The following PKP1 variants were observed in gnomAD, a reference collection of about 807,000 sequenced individuals.
PKP1 encodes plakophilin-1.
PKP1 carries 27 observed loss-of-function variants against 76.4 expected under a neutral mutation model. The observed-to-expected ratio is 0.35, with a 90% CI of 0.26 to 0.49. PKP1 has a LOEUF of 0.49. PKP1 is among the 20% of genes least tolerant of loss of function. PKP1 has a pLI of 0.99. For missense variants in PKP1, 964 were observed against 955.2 expected, an observed-to-expected ratio of 1.01 and a Z score of -0.12; for synonymous variants, 404 against 384.2, an observed-to-expected ratio of 1.05 and a Z score of -0.60.
rs112937195 is a variant in PKP1 at position 201,324,720 on chromosome 1, G to A, written c.1834+139G>A. The A allele has an allele frequency of 8.5e-6, 10 of 1,182,580 alleles. No individual in the cohort carries two copies. In the African/African-American group the frequency reaches 9.1e-5, roughly 11 times the overall value. The allele number at this position is 1,182,580 out of a possible 1,614,324, so 73.3% of individuals were successfully genotyped here. A position where few individuals can be genotyped will look rare whatever the true frequency, so the allele number is the denominator to read the frequency against. On this transcript the variant is annotated intron_variant, in intron 10 of 13. Coordinates refer to ENST00000367324, the MANE Select transcript of PKP1 (RefSeq NM_001005337.3). ...AGGAAGCTGGCCAAAGACAGGTATG[G>A]AGACAGGAGAAGGGAGCCTGTCACC... is the stretch of plus-strand genomic sequence containing the variant.
chr1:201,316,215 C>T (rs1055136689), intron 3 of PKP1: 19 of 248,656 alleles, frequency 7.6e-5, no homozygotes, highest in African/African-American at 4.4e-4. Flanking sequence ...ATACCAGACA[C>T]AAACAAGAGA....
intron 2 of PKP1, among the ~76,000 whole-genome samples, chr1:201,304,884 T>C (rs1375791042): frequency 6.6e-6 from 1 of 152,230 alleles, no homozygotes; most frequent in Admixed American, 6.5e-5. Context: ...GAGCTTAATA[T>C]GCTCACAAAC....
At chr1:201,308,472 A>G (rs536691105) in intron 2 of PKP1, among the ~76,000 whole-genome samples, 23 of 152,246 alleles carry the variant, frequency 1.5e-4, no homozygotes, top group Admixed American at 3.9e-4. Context: ...AAACAAGACC[A>G]GAGGCCCCTG....
chr1:201,284,089 GCGACCCGAGGCTGGCT>G (rs1460985125), intron 1 of PKP1, among the ~76,000 whole-genome samples, 185 bp downstream of exon 1: 1 of 146,952 alleles, frequency 6.8e-6, no homozygotes, highest in Non-Finnish European at 1.5e-5. Flanking sequence ...TGGTGTAAAC[GCGACCCGAGGCTGGCT>G]CGACGGCCCC....
chr1:201,289,324 G>C (rs1655831998), intron 1 of PKP1, among the ~76,000 whole-genome samples: 1 of 152,232 alleles, frequency 6.6e-6, no homozygotes, highest in African/African-American at 2.4e-5. Context: ...GCATTTTCAA[G>C]ACTAAAAGAA....
chr1:201,296,608 C>T (rs1403158807), intron 2 of PKP1, among the ~76,000 whole-genome samples: 2 of 152,182 alleles, frequency 1.3e-5, no homozygotes, highest in African/African-American at 4.8e-5. Flanking sequence ...GAGTGAGGTG[C>T]GCTACAGAAA....
At chr1:201,297,476 G>A (rs1656108317) in intron 2 of PKP1, among the ~76,000 whole-genome samples, 1 of 152,162 alleles carries the variant, frequency 6.6e-6, no homozygotes, top group East Asian at 1.9e-4. Flanking sequence ...CACCAAACCT[G>A]TAGAATATTA....
intron 1 of PKP1, among the ~76,000 whole-genome samples, chr1:201,293,071 G>T (rs1176686329): frequency 2.0e-5 from 3 of 152,200 alleles, no homozygotes; most frequent in African/African-American, 7.2e-5. Flanking sequence ...GGGAAGGCAG[G>T]TTTGGCATGG....
chr1:201,292,592 C>G (rs1655950426), intron 1 of PKP1, among the ~76,000 whole-genome samples: 2 of 152,210 alleles, frequency 1.3e-5, no homozygotes, highest in South Asian at 4.1e-4. Context: ...CTACTCCCAG[C>G]TCAGATATTC....
At chr1:201,284,048 C>T (rs971997843) in intron 1 of PKP1, 144 bp downstream of exon 1, 2 of 775,716 alleles carry the variant, frequency 2.6e-6, no homozygotes, top group African/African-American at 3.5e-5. Context: ...GCACCTAGTG[C>T]GAGCAGCCGA....
chr1:201,312,458 T>G (rs1407899894), intron 2 of PKP1, among the ~76,000 whole-genome samples: 1 of 152,220 alleles, frequency 6.6e-6, no homozygotes, highest in Non-Finnish European at 1.5e-5. Flanking sequence ...GTCACTCTTC[T>G]CTGGGCCTCC....
intron 2 of PKP1, among the ~76,000 whole-genome samples, chr1:201,312,654 C>T (rs1430775062): frequency 8.5e-5 from 13 of 152,216 alleles, no homozygotes; most frequent in Admixed American, 7.2e-4. Flanking sequence ...TCTGGGCAGA[C>T]CATCCTCCTC....
At chr1:201,318,883 C>A (rs1346120690) in intron 6 of PKP1, 88 bp downstream of exon 6, 3 of 1,077,600 alleles carry the variant, frequency 2.8e-6, no homozygotes, top group Non-Finnish European at 4.2e-6. Flanking sequence ...TCAGCCGGTG[C>A]ATAGAACATA....
intron 6 of PKP1, chr1:201,319,893 G>A: frequency 1.2e-6 from 2 of 1,613,750 alleles, no homozygotes; most frequent in Non-Finnish European, 1.7e-6. Context: ...GCCTTGGGAT[G>A]CAGCTGCGGA....
chr1:201,328,117 GCA>G (rs913068122), intron 12 of PKP1, among the ~76,000 whole-genome samples: 4 of 152,164 alleles, frequency 2.6e-5, no homozygotes, highest in African/African-American at 9.7e-5. Flanking sequence ...CTTTTCAAGG[GCA>G]CCTTGGCCTA....
In PKP1 at chr1:201,301,795, C is replaced by T. The variant is rs901473911; in HGVS notation, c.306+7750C>T. Among the ~76,000 whole-genome samples the T allele has an allele frequency of 2.0e-5, 3 of 151,856 alleles. No individual in the cohort carries two copies. In the South Asian group the frequency reaches 6.2e-4, roughly 32 times the overall value. ...ACTCAACCAACCAGTATTTAAAGTC[C>T]TTACGCTATAGTTGAAAACAAATAA... is the stretch of plus-strand genomic sequence containing the variant. On this transcript the variant is annotated intron_variant, in intron 2 of 13. Coordinates refer to ENST00000367324, the MANE Select transcript of PKP1 (RefSeq NM_001005337.3).
At chr1:201,315,568 T>G (rs1330846432) in intron 3 of PKP1, among the ~76,000 whole-genome samples, 3 of 152,230 alleles carry the variant, frequency 2.0e-5, no homozygotes, top group African/African-American at 7.2e-5. Flanking sequence ...CCTTGAGGCA[T>G]GCCTGAGACC....
chr1:201,328,442 C>T, intron 12 of PKP1: 2 of 409,628 alleles, frequency 4.9e-6, no homozygotes, highest in South Asian at 4.4e-5. Flanking sequence ...GACAGCTTCT[C>T]TAATCTGATT....
chr1:201,301,126 C>A lies in PKP1; in HGVS notation c.306+7081C>A, dbSNP rs576557804. Among the ~76,000 whole-genome samples the A allele has an allele frequency of 3.3e-5, 5 of 152,272 alleles. No homozygotes were observed. In the East Asian group the frequency reaches 9.7e-4, roughly 29 times the overall value. ...CATCCTCCTGCCCCAGGGAGGAGCACCAGACCCAGGAGAGGGCAGACTCCC... is the reference window on the plus strand; with the variant it reads ...CATCCTCCTGCCCCAGGGAGGAGCAACAGACCCAGGAGAGGGCAGACTCCC... On this transcript the variant is annotated intron_variant, in intron 2 of 13. Transcript: ENST00000367324.
Sources: gnomAD v4.1 joint callset for allele counts (sites outside exome capture counted in the v4.1 genomes callset) on GRCh38, gnomAD v4.1.1 for gene constraint, MANE v1.5 for transcripts, NCBI Gene and HGNC (gene_info 2026-07-23, HGNC 2026-07-21) for gene names.